The following SYN1 variants were observed in gnomAD, a reference collection of about 807,000 sequenced individuals.
SYN1 encodes synapsin-1.
SYN1 carries 8 observed loss-of-function variants against 44.6 expected under a neutral mutation model. The observed-to-expected ratio is 0.18, with a 90% CI of 0.11 to 0.32. The LOEUF (loss-of-function observed/expected upper bound fraction) is 0.32. Among genes scored for constraint, SYN1 ranks in the 10% least tolerant of loss-of-function variants. The pLI is 1.00. For missense variants in SYN1, 451 were observed against 639.4 expected, an observed-to-expected ratio of 0.71 and a Z score of 3.18; for synonymous variants, 275 against 280.1, an observed-to-expected ratio of 0.98 and a Z score of 0.18.
intron 5 of SYN1, among the ~76,000 whole-genome samples, chrX:47,588,742 G>T (rs760288646): frequency 8.9e-6 from 1 of 111,909 alleles, no homozygotes; most frequent in Admixed American, 9.5e-5. Flanking sequence ...AGCATTCGGG[G>T]TGTCTGTGGG....
At chrX:47,584,627 T>A (rs1569325502) in intron 5 of SYN1, among the ~76,000 whole-genome samples, 1 of 112,336 alleles carries the variant, frequency 8.9e-6, no homozygotes, top group Admixed American at 9.4e-5. Context: ...GGGATTTCTG[T>A]GTTTTGTTCA....
intron 5 of SYN1, among the ~76,000 whole-genome samples, chrX:47,592,829 A>G (rs1328542443): frequency 9.0e-6 from 1 of 111,548 alleles, no homozygotes; most frequent in Non-Finnish European, 1.9e-5. Flanking sequence ...TATAAAAACT[A>G]CTGATTTCTG....
rs755931727 is a variant in SYN1, at chrX:47,576,579, G to A, written c.899C>T (p.Thr300Met). Residue 300 changes from threonine to methionine, a missense_variant, in exon 7 of 13, where the codon ACG becomes ATG. Thr to Met is a moderately conservative substitution (Grantham distance 81, BLOSUM62 -1). Around this residue, in one of 3 missense-constraint regions of SYN1, gnomAD observed 315 missense variants for 451.4 expected, o/e 0.70. Transcript: ENST00000295987. ...DIASVVALTK[T>M]YATAEPFIDA... ...GATGAAGGGCTCGGCAGTGGCATAC[G>A]TCTTGGTCAGTGCCACGACACTTGC... 8 of 1,210,070 alleles carry A rather than the reference G, an allele frequency of 6.6e-6. No individual in the cohort carries two copies. The highest frequency in any genetic ancestry group is 6.6e-5 in the Admixed American group (3 of 45,799).
intron 5 of SYN1, among the ~76,000 whole-genome samples, chrX:47,578,575 C>G (rs1254464261): frequency 1.8e-5 from 2 of 111,786 alleles, no homozygotes; most frequent in Non-Finnish European, 3.8e-5. Context: ...TTCCTGGGCA[C>G]TCCCACCCCA....
intron 5 of SYN1, chrX:47,585,062 T>G (rs2057817286): frequency 1.7e-6 from 2 of 1,190,768 alleles, no homozygotes; most frequent in Non-Finnish European, 1.1e-6. Context: ...AACATCTTCC[T>G]CCTGGTCAAA....
chrX:47,590,253 C>A (rs778275161), intron 5 of SYN1: 1 of 111,579 alleles, frequency 9.0e-6, no homozygotes, highest in Non-Finnish European at 1.9e-5. Context: ...TACACGCCCA[C>A]CCACAACAAC....
At chrX:47,611,252 G>A (rs2057915845) in intron 1 of SYN1, among the ~76,000 whole-genome samples, 1 of 112,050 alleles carries the variant, frequency 8.9e-6, no homozygotes, top group Admixed American at 9.4e-5. Flanking sequence ...TATGGGTGAT[G>A]ATGGAAATCA....
Position 47,591,744 on chromosome X carries a change from T to C in SYN1, c.774+13234A>G, listed in dbSNP as rs146362132. On this transcript the variant is annotated intron_variant, in intron 5 of 12. Transcript: ENST00000295987. ...TCAAAAAAAAAAAAAAGTTAGTATA[T>C]ATATGACAGAGGTGGCATACAAGCT... Among the ~76,000 whole-genome samples the C allele has an allele frequency of 1.9e-4, 20 of 108,105 alleles. No homozygotes were observed. In the East Asian group the frequency reaches 5.5e-3, roughly 30 times the overall value. 93.9% of individuals were successfully genotyped at this position (108,105 alleles called of 115,157 possible). A position where few individuals can be genotyped will look rare whatever the true frequency, so the allele number is the denominator to read the frequency against.
rs1243624256 is a variant in SYN1 at position 47,574,271 on chromosome X, G to A, written c.1713C>T (p.Gly571=). The A allele has an allele frequency of 2.7e-6, 3 of 1,104,229 alleles. No homozygotes were observed. Among genetic ancestry groups the A allele is most frequent in the Admixed American group, 6.2e-5 (2 of 32,071 alleles). The allele number at this position is 1,104,229 out of a possible 1,213,427, so 91.0% of individuals were successfully genotyped here. A position where few individuals can be genotyped will look rare whatever the true frequency, so the allele number is the denominator to read the frequency against. The change falls in exon 12 of 13, where the codon GGC becomes GGT. Residue 571 remains glycine (G), a synonymous_variant. Transcript: ENST00000295987. ...PQATRQTSVS[G]PAPPKASGAP... ...CCCCAGAGGCCTTTGGCGGAGCCGG[G>A]CCAGAGACGGATGTCTGACGGGTAG...
chrX:47,575,399 G>A (rs562075550), intron 9 of SYN1, 125 bp from the exon 10 acceptor site: 15 of 850,265 alleles, frequency 1.8e-5, no homozygotes, highest in African/African-American at 1.4e-4. Flanking sequence ...GGCACTGATT[G>A]TGCACGGTGA....
chrX:47,618,666 T>C (rs2057938084), intron 1 of SYN1, among the ~76,000 whole-genome samples: 1 of 110,920 alleles, frequency 9.0e-6, no homozygotes, highest in Non-Finnish European at 1.9e-5. Flanking sequence ...GGCTTGGAGT[T>C]GGGGCACAGA....
At chrX:47,589,187 C>G (rs1349720741) in intron 5 of SYN1, among the ~76,000 whole-genome samples, 1 of 107,100 alleles carries the variant, frequency 9.3e-6, no homozygotes, top group Non-Finnish European at 1.9e-5. Context: ...GTCCCAGTTA[C>G]TTGGGAGGCT....
intron 1 of SYN1, among the ~76,000 whole-genome samples, chrX:47,614,835 C>A (rs2057926868): frequency 1.8e-5 from 2 of 112,108 alleles, no homozygotes; most frequent in Non-Finnish European, 3.8e-5. Context: ...CAAAGCCTGG[C>A]CACCCCGCTT....
chrX:47,601,289 A>G (rs1367663745), intron 5 of SYN1, among the ~76,000 whole-genome samples: 1 of 111,824 alleles, frequency 8.9e-6, no homozygotes. Context: ...ACCTAGATGA[A>G]ATGGACAAAT....
chrX:47,576,163 G>A lies in SYN1; in HGVS notation c.1126C>T (p.His376Tyr). ...ATGTGATCCCTTCCGTCCTTGCCAT[G>A]TAGCGCTTCCACTGCGCAGATGTCC... The part of the protein sequence containing the change: ...GLDICAVEAL[H>Y]GKDGRDHIIE... Residue 376 changes from histidine to tyrosine, a missense_variant, in exon 9 of 13, where the codon CAT becomes TAT. This residue lies in a region of SYN1 where 315 missense variants were observed against 451.4 expected (regional missense o/e 0.70). Coordinates refer to ENST00000295987, the MANE Select transcript of SYN1 (RefSeq NM_006950.3). The A allele has an allele frequency of 8.3e-7, 1 of 1,204,375 alleles. No individual in the cohort carries two copies. The highest frequency in any genetic ancestry group is 1.1e-6 in the Non-Finnish European group (1 of 891,737).
At position 47,574,153 on chromosome X, in the gene SYN1, G is replaced by A. The variant is rs1300239224; in HGVS notation, c.1831C>T (p.Pro611Ser). The change falls in exon 12 of 13, where the codon CCC becomes TCC. Residue 611 changes from proline to serine, a missense_variant. Coordinates refer to ENST00000295987, the MANE Select transcript of SYN1 (RefSeq NM_006950.3). Reference protein sequence around the residue: ...TRQASQAGPVPRTGPPTTQQP... With the variant: ...TRQASQAGPVSRTGPPTTQQP... ...TGCGTGGTGGGTGGCCCAGTGCGGGGCACGGGACCCGCCTGGCTGGCCTGG... is the reference window on the plus strand; with the variant it reads ...TGCGTGGTGGGTGGCCCAGTGCGGGACACGGGACCCGCCTGGCTGGCCTGG... The A allele has an allele frequency of 1.9e-6, 2 of 1,059,790 alleles. No individual in the cohort carries two copies. The highest frequency in any genetic ancestry group is 1.2e-6 in the Non-Finnish European group (1 of 828,605). The allele number at this position is 1,059,790 out of a possible 1,213,427, so 87.3% of individuals were successfully genotyped here.
intron 12 of SYN1, 103 bp from the exon 13 acceptor site, chrX:47,573,102 C>G: frequency 9.5e-7 from 1 of 1,054,264 alleles, no homozygotes; most frequent in Non-Finnish European, 1.3e-6. Flanking sequence ...AGCCCTGCCC[C>G]TCTGATCCTG....
Position 47,619,560 on chromosome X carries a change from C to T in SYN1, c.169G>A (p.Val57Ile), listed in dbSNP as rs1200321961. Residue 57 changes from valine to isoleucine, a missense_variant, in exon 1 of 13, where the codon GTC becomes ATC. By Grantham distance (29) the Val-to-Ile change is conservative (BLOSUM62 3). Transcript: ENST00000295987. ...GCGGCCGGAGAGGCCGCTGGGGCGACCCCGGAGGACCTCTCGGCAGTGGCG... is the reference window on the plus strand; with the variant it reads ...GCGGCCGGAGAGGCCGCTGGGGCGATCCCGGAGGACCTCTCGGCAGTGGCG... ...GTATAERSSG[V>I]APAASPAAPS... The T allele has an allele frequency of 1.4e-5, 16 of 1,177,348 alleles. No individual in the cohort carries two copies. Among genetic ancestry groups the T allele is most frequent in the South Asian group, 7.4e-5 (4 of 53,764 alleles).
At chrX:47,609,311 C>T (rs1347173766) in intron 1 of SYN1, among the ~76,000 whole-genome samples, 1 of 112,083 alleles carries the variant, frequency 8.9e-6, no homozygotes, top group Non-Finnish European at 1.9e-5. Flanking sequence ...AAGGTTACAC[C>T]TACTTCATGA....
Sources: gnomAD v4.1 joint callset for allele counts (sites outside exome capture counted in the v4.1 genomes callset) on GRCh38, gnomAD v4.1.1 for gene constraint, gnomAD v4.1.1 regional missense constraint, MANE v1.5 for transcripts, NCBI Gene and HGNC (gene_info 2026-07-23, HGNC 2026-07-21) for gene names.